Variants in COL22A1 observed in about 807,000 individuals in gnomAD.
COL22A1 encodes collagen type XXII alpha 1 chain, also known as collagen alpha-1(XXII) chain.
In COL22A1, 221 loss-of-function variants were observed where a neutral mutation model predicts 248.9. That is an observed-to-expected ratio of 0.89 (90% CI 0.80 to 0.99). The LOEUF (loss-of-function observed/expected upper bound fraction) is 0.99. Ranked by LOEUF, COL22A1 falls within the 50% of genes least tolerant of loss-of-function variation. COL22A1 has a pLI of 0.00. For synonymous variants in COL22A1, 891 were observed against 793.4 expected (o/e 1.12, Z -2.07); for missense variants, 2,240 against 2,179.0 (o/e 1.03, Z -0.56).
In COL22A1 at chr8:138,779,513, A is replaced by G. The variant is rs761160271; in HGVS notation, c.1700T>C (p.Met567Thr). Reference protein sequence around the residue: ...GEPGLPGEVGMRGPQGPPGLP... With the variant: ...GEPGLPGEVGTRGPQGPPGLP... ...CCAGCTCACAGCAACACTCACCCGC[A>G]TGCCGACCTCACCCGGCAGCCCCGG... Residue 567 changes from methionine (M) to threonine (T), a missense_variant, in exon 14 of 65, where the codon ATG becomes ACG. Coordinates refer to ENST00000303045, the MANE Select transcript of COL22A1 (RefSeq NM_152888.3). The G allele has an allele frequency of 2.5e-6, 4 of 1,611,442 alleles. 1 individual carries two copies. The South Asian group carries it at 4.4e-5, about 18-fold the overall frequency.
At chr8:138,738,240 C>A (rs1050860732) in intron 22 of COL22A1, among the ~76,000 whole-genome samples, 1 of 152,142 alleles carries the variant, frequency 6.6e-6, no homozygotes, top group African/African-American at 2.4e-5. Flanking sequence ...TGTGGGAATC[C>A]ACGCTTCAGT....
intron 51 of COL22A1, among the ~76,000 whole-genome samples, chr8:138,624,633 G>C (rs1478086380): frequency 6.6e-6 from 1 of 152,168 alleles, no homozygotes; most frequent in East Asian, 1.9e-4. Context: ...CTTTACCATT[G>C]CTAAAATTAA....
chr8:138,813,882 A>AT (rs1172494433), intron 7 of COL22A1, among the ~76,000 whole-genome samples: 5 of 152,168 alleles, frequency 3.3e-5, no homozygotes, highest in Non-Finnish European at 7.4e-5. Flanking sequence ...ACATATCCCT[A>AT]TTTTCAACCT....
intron 7 of COL22A1, among the ~76,000 whole-genome samples, chr8:138,817,086 C>T (rs73366836): frequency 0.012 from 1,768 of 152,308 alleles, 28 homozygotes; most frequent in African/African-American, 0.036. Flanking sequence ...AGTGAAGGTG[C>T]AGACAGGTGA....
intron 30 of COL22A1, among the ~76,000 whole-genome samples, chr8:138,712,580 G>T (rs995548951): frequency 2.4e-4 from 5 of 20,576 alleles, no homozygotes; most frequent in Admixed American, 2.3e-3. Flanking sequence ...GAGGGTAAGG[G>T]TTCTACCAGC....
rs960990807 is a variant in COL22A1 at position 138,649,744 on chromosome 8, C to G, written c.3368G>C (p.Gly1123Ala). The stretch of plus-strand genomic sequence containing the variant: ...TTTAAAACCTGGTAGACCAGGGAGG[C>G]CTGGGGGGCCAGGAGGGCAGTCATT... ...VCNDCPPGPP[G>A]LPGLPGFKGD... is the part of the protein sequence containing the mutation. Residue 1123 changes from glycine (G) to alanine (A), a missense_variant, in exon 46 of 65, where the codon GGC (glycine) becomes GCC (alanine). By Grantham distance (60) the Gly-to-Ala change is moderately conservative. Coordinates refer to ENST00000303045, the MANE Select transcript of COL22A1 (RefSeq NM_152888.3). 3.7e-6 allele frequency: 6 copies of G among 1,607,004 alleles called. No individual in the cohort carries two copies. Among genetic ancestry groups the G allele is most frequent in the Non-Finnish European group, 5.1e-6 (6 of 1,177,200 alleles).
chr8:138,823,632 C>G (rs2131770191), intron 6 of COL22A1, among the ~76,000 whole-genome samples: 1 of 152,340 alleles, frequency 6.6e-6, no homozygotes, highest in Admixed American at 6.5e-5. Context: ...TCTTGAACTC[C>G]TGACCTCAGG....
At chr8:138,774,487 G>C (rs901475783) in intron 16 of COL22A1, among the ~76,000 whole-genome samples, 4 of 147,570 alleles carry the variant, frequency 2.7e-5, no homozygotes, top group Non-Finnish European at 5.9e-5. Context: ...TGCACAATCT[G>C]GGCTCACTGC....
intron 47 of COL22A1, among the ~76,000 whole-genome samples, chr8:138,645,525 G>A (rs1342366358): frequency 6.6e-6 from 1 of 152,140 alleles, no homozygotes; most frequent in African/African-American, 2.4e-5. Flanking sequence ...AACAACTGAG[G>A]TATCACAACA....
chr8:138,614,129 G>A (rs560149956), intron 55 of COL22A1, among the ~76,000 whole-genome samples: 1 of 152,298 alleles, frequency 6.6e-6, no homozygotes, highest in South Asian at 2.1e-4. Context: ...CCGCATTTGT[G>A]CATCCATTTA....
chr8:138,778,729 G>A (rs1440459103), intron 14 of COL22A1, among the ~76,000 whole-genome samples: 2 of 152,244 alleles, frequency 1.3e-5, no homozygotes, highest in Non-Finnish European at 2.9e-5. Flanking sequence ...CACTCTCCCC[G>A]TGCCCCTCGG....
At chr8:138,734,006 T>C (rs554776784) in intron 23 of COL22A1, among the ~76,000 whole-genome samples, 1 of 152,274 alleles carries the variant, frequency 6.6e-6, no homozygotes, top group South Asian at 2.1e-4. Context: ...GCGGAAATTA[T>C]TCAAACTGTC....
Position 138,812,852 on chromosome 8 carries a change from C to A in COL22A1, c.1326+87G>T, listed in dbSNP as rs375495528. 13 of 1,037,596 alleles carry A rather than the reference C, an allele frequency of 1.3e-5. No homozygotes were observed. The African/African-American group carries it at 1.6e-4, about 13-fold the overall frequency. The allele number at this position is 1,037,596 out of a possible 1,614,324, so 64.3% of individuals were successfully genotyped here. On this transcript the variant is annotated intron_variant, in intron 8 of 64. Transcript: ENST00000303045. ...GGTGGATGTCTCCCTGACCACCAAC[C>A]ACCCAACCCTAAGCTCTGGATTCCC...
At chr8:138,719,813 G>A (rs901709506) in intron 27 of COL22A1, among the ~76,000 whole-genome samples, 4 of 152,332 alleles carry the variant, frequency 2.6e-5, no homozygotes, top group Admixed American at 2.6e-4. Flanking sequence ...GTGCTTGCCT[G>A]TGGGCGGGCA....
At chr8:138,664,331 TAGATATTATGCTTAAGATGCTGTTC>T (rs1323249856) in intron 41 of COL22A1, among the ~76,000 whole-genome samples, 1 of 151,910 alleles carries the variant, frequency 6.6e-6, no homozygotes, top group Non-Finnish European at 1.5e-5. Flanking sequence ...ATTTGGCTTC[TAGATATTATGCTTAAGATGCTGTTC>T]ATTGATTGAC....
intron 3 of COL22A1, among the ~76,000 whole-genome samples, chr8:138,867,052 T>C (rs1044755190): frequency 5.3e-5 from 8 of 152,210 alleles, no homozygotes; most frequent in Admixed American, 1.3e-4. Flanking sequence ...TTATCCGATG[T>C]TGGCAAACTC....
At chr8:138,909,728 T>C (rs6987338) in intron 1 of COL22A1, among the ~76,000 whole-genome samples, 46,273 of 152,046 alleles carry the variant, frequency 0.3, 7,595 homozygotes, top group African/African-American at 0.44. Context: ...GCCTCTGAGT[T>C]GCTTCCAGCA....
chr8:138,669,885 CTTTTT>C (rs34714342), intron 41 of COL22A1, among the ~76,000 whole-genome samples: 2 of 121,222 alleles, frequency 1.6e-5, no homozygotes. Context: ...ACTCCTAAGA[CTTTTT>C]TTTTTTTTTT....
At chr8:138,896,560 CA>C (rs1408268453) in intron 1 of COL22A1, among the ~76,000 whole-genome samples, 1 of 151,948 alleles carries the variant, frequency 6.6e-6, no homozygotes, top group Admixed American at 6.6e-5. Context: ...CAAGAGGGCA[CA>C]AAAGGGGAAA....
Sources: gnomAD v4.1 joint callset for allele counts (sites outside exome capture counted in the v4.1 genomes callset) on GRCh38, gnomAD v4.1.1 for gene constraint, MANE v1.5 for transcripts, NCBI Gene and HGNC (gene_info 2026-07-23, HGNC 2026-07-21) for gene names.